KIF5A: variants seen among roughly 807,000 people sequenced by gnomAD.
The protein encoded by KIF5A is kinesin heavy chain isoform 5A.
A neutral mutation model predicts 141.3 loss-of-function variants in KIF5A; 35 were observed. The observed-to-expected ratio is 0.25, with a 90% CI of 0.19 to 0.33. The LOEUF is 0.33. KIF5A is among the 10% of genes least tolerant of loss of function. KIF5A has a pLI of 1.00. For missense variants in KIF5A, 861 were observed against 1,314.3 expected (o/e 0.66, Z 5.33); for synonymous variants, 448 against 500.2 (o/e 0.90, Z 1.39).
At position 57,567,105 on chromosome 12, in the gene KIF5A, CTG is replaced by C. The variant is rs770023686; in HGVS notation, c.502-19_502-18del. 2.7e-6 allele frequency: 4 copies of C among 1,497,582 alleles called. No individual in the cohort carries two copies. Among genetic ancestry groups the C allele is most frequent in the South Asian group, 2.3e-5 (2 of 88,680 alleles). 92.8% of individuals were successfully genotyped at this position (1,497,582 alleles called of 1,614,324 possible). A position where few individuals can be genotyped will look rare whatever the true frequency, so the allele number is the denominator to read the frequency against. ...CTTAAAAAACAAAGCTTATGGGTCACTGTCCATTTGTCCCCCACAGGGTTGTA... is the reference window on the plus strand; with the variant it reads ...CTTAAAAAACAAAGCTTATGGGTCACTCCATTTGTCCCCCACAGGGTTGTA... On this transcript the variant is annotated intron_variant, in intron 6 of 28. Coordinates refer to ENST00000455537, the MANE Select transcript of KIF5A (RefSeq NM_004984.4).
chr12:57,552,380 G>A (rs962984521), intron 1 of KIF5A, among the ~76,000 whole-genome samples: 8 of 152,038 alleles, frequency 5.3e-5, no homozygotes, highest in African/African-American at 1.9e-4. Flanking sequence ...GAAGCCCCAG[G>A]CCCCCTGCCA....
At chr12:57,564,838 C>A in intron 5 of KIF5A, 80 bp from the exon 6 acceptor site, 2 of 1,349,750 alleles carry the variant, frequency 1.5e-6, no homozygotes, top group South Asian at 1.2e-5. Flanking sequence ...AGAAGAAAAC[C>A]ACCATCTGAG....
chr12:57,579,409 A>G (rs1310205731), intron 23 of KIF5A, among the ~76,000 whole-genome samples: 11 of 152,164 alleles, frequency 7.2e-5, no homozygotes, highest in African/African-American at 2.7e-4. Flanking sequence ...ATCTACCTTA[A>G]GATTCCATTT....
intron 11 of KIF5A, 29 bp from the exon 12 acceptor site, chr12:57,569,958 A>G (rs1459340023): frequency 6.2e-7 from 1 of 1,608,914 alleles, no homozygotes; most frequent in Admixed American, 1.7e-5. Context: ...TTCTTCTTCC[A>G]TCTCTCACCT....
Position 57,569,580 on chromosome 12 carries a change from T to C in KIF5A, c.1014T>C (p.Thr338=). The C allele has an allele frequency of 1.2e-6, 2 of 1,614,122 alleles. No homozygotes were observed. Among genetic ancestry groups the C allele is most frequent in the South Asian group, 2.2e-5 (2 of 91,080 alleles). ...CTGCCTCAGTAAATTTGGAGTTGAC[T>C]GCTGAGCAGTGGAAGAAGAAATATG... ...KNTASVNLEL[T]AEQWKKKYEK... Residue 338 remains threonine, a synonymous_variant, in exon 11 of 29, where the codon ACT becomes ACC. Coordinates refer to ENST00000455537, the MANE Select transcript of KIF5A (RefSeq NM_004984.4).
In KIF5A at chr12:57,575,210, T is replaced by C. The variant is rs1594921908; in HGVS notation, c.1843T>C (p.Cys615Arg). ...GCAGCTGGAGAACCTCCAGGTGGAG[T>C]GTCACCGCAAGATGGAAGTGACCGG... ...CRQLENLQVE[C>R]HRKMEVTGRE... is the part of the protein sequence containing the mutation. The change falls in exon 16 of 29, where the codon TGT becomes CGT. Residue 615 changes from cysteine (C) to arginine (R), a missense_variant. This residue lies in a region of KIF5A where 482 missense variants were observed against 661.3 expected (regional missense o/e 0.73). Transcript: ENST00000455537. 1 of 1,613,500 alleles carries C rather than the reference T, an allele frequency of 6.2e-7. No individual in the cohort carries two copies. The highest frequency in any genetic ancestry group is 1.3e-5 in the African/African-American group (1 of 74,796).
chr12:57,582,960 T>G, intron 27 of KIF5A, 141 bp from the exon 28 acceptor site: 12 of 758,308 alleles, frequency 1.6e-5, no homozygotes, highest in Non-Finnish European at 2.3e-5. Flanking sequence ...CCTCTGGCCT[T>G]GAGTTTCCCT....
At chr12:57,582,932 G>A (rs1420939484) in intron 27 of KIF5A, 169 bp from the exon 28 acceptor site, 5 of 693,512 alleles carry the variant, frequency 7.2e-6, no homozygotes, top group Admixed American at 2.1e-5. Flanking sequence ...TTGTGACATT[G>A]GACAAGTCAT....
chr12:57,555,325 A>G (rs1881696641), intron 1 of KIF5A, among the ~76,000 whole-genome samples: 1 of 152,200 alleles, frequency 6.6e-6, no homozygotes, highest in Non-Finnish European at 1.5e-5. Context: ...ACTTTTCTCT[A>G]GGCACATTGC....
At chr12:57,552,940 A>C (rs1475647133) in intron 1 of KIF5A, among the ~76,000 whole-genome samples, 2 of 152,010 alleles carry the variant, frequency 1.3e-5, no homozygotes, top group Non-Finnish European at 2.9e-5. Flanking sequence ...GTAGGAGAAT[A>C]AGCTGGAGAG....
At position 57,564,300 on chromosome 12, in the gene KIF5A, A is replaced by C. The variant is rs1374814492; in HGVS notation, c.396+88A>C. On this transcript the variant is annotated intron_variant, in intron 4 of 28. Transcript: ENST00000455537. Reference sequence around the variant, plus strand: ...CCCACTGAAGAGCCTGGGCTCCCCAACTTGACTCCCTTTCCGGTTACCAGA... The same window carrying C: ...CCCACTGAAGAGCCTGGGCTCCCCACCTTGACTCCCTTTCCGGTTACCAGA... 7.1e-6 allele frequency: 8 copies of C among 1,131,380 alleles called. No individual in the cohort carries two copies. The South Asian group carries it at 7.4e-5, about 10-fold the overall frequency. The allele number at this position is 1,131,380 out of a possible 1,614,324, so 70.1% of individuals were successfully genotyped here.
intron 15 of KIF5A, among the ~76,000 whole-genome samples, 165 bp from the exon 16 acceptor site, chr12:57,574,919 A>G (rs1320126134): frequency 6.6e-6 from 1 of 152,138 alleles, no homozygotes; most frequent in Non-Finnish European, 1.5e-5. Context: ...GAGGAATTTA[A>G]TGTGAAATGC....
At chr12:57,552,187 CT>C (rs1470832798) in intron 1 of KIF5A, among the ~76,000 whole-genome samples, 2 of 152,100 alleles carry the variant, frequency 1.3e-5, no homozygotes, top group Non-Finnish European at 2.9e-5. Flanking sequence ...GCCCAATTTC[CT>C]TGCTCTGGGA....
chr12:57,576,205 C>T (rs987114783), intron 18 of KIF5A, 54 bp downstream of exon 18: 1 of 1,607,704 alleles, frequency 6.2e-7, no homozygotes. Flanking sequence ...GAAAGCTGTG[C>T]TGGCCCTCAC....
chr12:57,569,797 G>T, intron 11 of KIF5A, 114 bp downstream of exon 11: 2 of 1,507,178 alleles, frequency 1.3e-6, no homozygotes, highest in Non-Finnish European at 1.8e-6. Context: ...AAGAGGGGCT[G>T]TGTTTCTGGA....
chr12:57,583,444 T>G (rs554403190), intron 28 of KIF5A, among the ~76,000 whole-genome samples: 1 of 152,280 alleles, frequency 6.6e-6, no homozygotes, highest in East Asian at 1.9e-4. Context: ...TAGGCTACAG[T>G]GGTAACCACA....
chr12:57,558,709 C>G (rs535451780), intron 1 of KIF5A, among the ~76,000 whole-genome samples: 1 of 152,196 alleles, frequency 6.6e-6, no homozygotes, highest in Non-Finnish European at 1.5e-5. Flanking sequence ...AACAAAAAAC[C>G]CAAAACAAAA....
intron 10 of KIF5A, 48 bp from the exon 11 acceptor site, chr12:57,569,487 C>G: frequency 6.2e-7 from 1 of 1,613,610 alleles, no homozygotes; most frequent in Non-Finnish European, 8.5e-7. Context: ...CAGGGTCACC[C>G]AAGTCTCATG....
In KIF5A at chr12:57,561,967, T is replaced by G. The variant is rs372301152; in HGVS notation, c.130-1472T>G. On this transcript the variant is annotated intron_variant, in intron 1 of 28. Coordinates refer to ENST00000455537, the MANE Select transcript of KIF5A (RefSeq NM_004984.4). ...GCGTCTGTAGATCTTGAGGTTTACA[T>G]TTCGATTGGATAAAGATGGACTCTG... Among the ~76,000 whole-genome samples, 22 of 152,348 alleles carry G rather than the reference T, an allele frequency of 1.4e-4. No individual in the cohort carries two copies. In the East Asian group the frequency reaches 2.7e-3, roughly 19 times the overall value.
Sources: allele counts gnomAD v4.1 joint callset (sites outside exome capture counted in the v4.1 genomes callset), GRCh38; gene constraint gnomAD v4.1.1; regional missense constraint gnomAD v4.1.1; transcripts MANE v1.5; gene names NCBI Gene and HGNC (gene_info 2026-07-23, HGNC 2026-07-21).